Variants in CORIN observed in about 807,000 individuals in gnomAD.
The protein encoded by CORIN is corin, serine peptidase.
CORIN carries 117 observed loss-of-function variants against 125.3 expected under a neutral mutation model. The observed-to-expected ratio is 0.93, with a 90% CI of 0.80 to 1.09. CORIN has a LOEUF of 1.09. CORIN is among the 50% of genes least tolerant of loss of function. CORIN has a pLI of 0.00. For synonymous variants in CORIN, 450 were observed against 466.4 expected, an observed-to-expected ratio of 0.96 and a Z score of 0.45; for missense variants, 1,253 against 1,306.7, an observed-to-expected ratio of 0.96 and a Z score of 0.63.
In CORIN at chr4:47,614,781, G is replaced by C. The variant is rs188424444; in HGVS notation, c.2540+8790C>G. 1.6e-4 allele frequency among the ~76,000 whole-genome samples: 24 copies of C among 152,246 alleles called. No homozygotes were observed. The East Asian group carries it at 4.1e-3, about 26-fold the overall frequency. On this transcript the variant is annotated intron_variant, in intron 19 of 21. Coordinates refer to ENST00000273857, the MANE Select transcript of CORIN (RefSeq NM_006587.4). ...TTGTCAACTAACAAGTATTTATTGA[G>C]TGGCTGCTGTATGCCATGCTGAAAG...
intron 13 of CORIN, among the ~76,000 whole-genome samples, chr4:47,648,024 C>T (rs1236762862): frequency 6.6e-6 from 1 of 152,104 alleles, no homozygotes; most frequent in Non-Finnish European, 1.5e-5. Context: ...AGCATAATAC[C>T]TCCTTTGTGG....
intron 3 of CORIN, among the ~76,000 whole-genome samples, chr4:47,780,915 A>G (rs1026406959): frequency 2.0e-5 from 3 of 148,520 alleles, no homozygotes; most frequent in Non-Finnish European, 4.4e-5. Flanking sequence ...TTGAGATTTT[A>G]TATATATATA....
chr4:47,643,573 C>T (rs1195953753), intron 14 of CORIN, among the ~76,000 whole-genome samples: 1 of 152,120 alleles, frequency 6.6e-6, no homozygotes, highest in Non-Finnish European at 1.5e-5. Flanking sequence ...TTAAAATCTG[C>T]ATGAGCAGAG....
At chr4:47,746,799 G>A (rs546666965) in intron 4 of CORIN, among the ~76,000 whole-genome samples, 1 of 152,244 alleles carries the variant, frequency 6.6e-6, no homozygotes, top group East Asian at 1.9e-4. Context: ...CTCCCAAAGT[G>A]CAGGGATTAC....
intron 1 of CORIN, among the ~76,000 whole-genome samples, chr4:47,815,768 C>T (rs953143442): frequency 6.6e-6 from 1 of 151,968 alleles, no homozygotes. Context: ...TTGGGTTATC[C>T]ATTTCTTGGG....
rs570446569 is a variant in CORIN at position 47,738,261 on chromosome 4, G to A, written c.799+6141C>T. 5.3e-5 allele frequency among the ~76,000 whole-genome samples: 8 copies of A among 152,186 alleles called. 1 individual carries two copies. The highest frequency in any genetic ancestry group is 2.6e-4 in the Admixed American group (4 of 15,274). On this transcript the variant is annotated intron_variant, in intron 5 of 21. Coordinates refer to ENST00000273857, the MANE Select transcript of CORIN (RefSeq NM_006587.4). ...GACCCTGTACAAGCAGAAATTTAAG[G>A]ATAAGGCAGAGCTGTAAACTCTGCT...
At chr4:47,661,623 C>T in intron 12 of CORIN, 88 bp downstream of exon 12, 1 of 1,225,622 alleles carries the variant, frequency 8.2e-7, no homozygotes, top group Non-Finnish European at 1.1e-6. Context: ...AACAAACAAA[C>T]AAGAAGCCAT....
At chr4:47,661,608 T>C (rs958438521) in intron 12 of CORIN, 103 bp downstream of exon 12, 4 of 1,118,062 alleles carry the variant, frequency 3.6e-6, no homozygotes, top group African/African-American at 1.6e-5. Flanking sequence ...GGAAACTAAA[T>C]AGAAAACAAA....
chr4:47,705,843 GC>G (rs35351289), intron 5 of CORIN, among the ~76,000 whole-genome samples: 8,842 of 152,124 alleles, frequency 0.058, 871 homozygotes, highest in African/African-American at 0.2. Flanking sequence ...TTTGTGAAGT[GC>G]CCCCCGTGTG....
chr4:47,642,745 C>T (rs1723286157), intron 15 of CORIN: 3 of 976,630 alleles, frequency 3.1e-6, no homozygotes, highest in Non-Finnish European at 4.4e-6. Flanking sequence ...AGTTAGAAGT[C>T]TTGGACCTGA....
chr4:47,748,361 T>C (rs1280476842), intron 4 of CORIN, among the ~76,000 whole-genome samples: 6 of 152,226 alleles, frequency 3.9e-5, no homozygotes, highest in African/African-American at 1.2e-4. Context: ...GAGACCACTT[T>C]AGCTATCTAA....
intron 10 of CORIN, among the ~76,000 whole-genome samples, chr4:47,671,577 A>ATT (rs1215193530): frequency 6.6e-6 from 1 of 151,948 alleles, no homozygotes; most frequent in African/African-American, 2.4e-5. Flanking sequence ...CATACGCCTT[A>ATT]TTTTTTATTT....
chr4:47,629,153 T>A (rs900245796), intron 16 of CORIN, among the ~76,000 whole-genome samples: 9 of 152,192 alleles, frequency 5.9e-5, no homozygotes, highest in African/African-American at 2.2e-4. Flanking sequence ...AATTAACATT[T>A]CTACCAAGAA....
chr4:47,809,093 G>T (rs990136175), intron 1 of CORIN, among the ~76,000 whole-genome samples: 4 of 152,164 alleles, frequency 2.6e-5, no homozygotes, highest in African/African-American at 9.7e-5. Flanking sequence ...TCTGAGAAAA[G>T]TACCCCTGAA....
At chr4:47,766,413 T>C (rs571374223) in intron 3 of CORIN, among the ~76,000 whole-genome samples, 2 of 152,234 alleles carry the variant, frequency 1.3e-5, no homozygotes, top group South Asian at 4.2e-4. Context: ...ACACTCTTAC[T>C]ATTTCTTAAG....
intron 16 of CORIN, among the ~76,000 whole-genome samples, chr4:47,629,290 T>C (rs2109573751): frequency 6.6e-6 from 1 of 152,288 alleles, no homozygotes. Context: ...CCCTGATGAT[T>C]AGTAATGCTG....
intron 1 of CORIN, among the ~76,000 whole-genome samples, chr4:47,813,068 TCCACATGGATTCTTTCATAG>T (rs1485020602): frequency 2.0e-5 from 3 of 152,180 alleles, no homozygotes; most frequent in African/African-American, 7.2e-5. Context: ...CATTGCCTGC[TCCACATGGATTCTTTCATAG>T]CACAACTTTT....
chr4:47,656,148 T>C (rs1432949664), intron 12 of CORIN, among the ~76,000 whole-genome samples: 3 of 150,264 alleles, frequency 2.0e-5, no homozygotes, highest in African/African-American at 7.4e-5. Context: ...CATGACCATT[T>C]AGGATTTTTT....
chr4:47,758,398 G>A (rs980977628), intron 4 of CORIN, among the ~76,000 whole-genome samples: 13 of 152,010 alleles, frequency 8.6e-5, no homozygotes, highest in East Asian at 1.9e-4. Flanking sequence ...CAATGTGTCC[G>A]TACTACCCAA....
Sources: allele counts gnomAD v4.1 joint callset (sites outside exome capture counted in the v4.1 genomes callset), GRCh38; gene constraint gnomAD v4.1.1; transcripts MANE v1.5; gene names NCBI Gene and HGNC (gene_info 2026-07-23, HGNC 2026-07-21).